DNAH14: variants seen among roughly 807,000 people sequenced by gnomAD.
DNAH14 encodes the protein axonemal beta dynein heavy chain 14.
In DNAH14, 478 loss-of-function variants were observed where a neutral mutation model predicts 520.9. That is an observed-to-expected ratio of 0.92 (90% CI 0.85 to 0.99). The LOEUF (loss-of-function observed/expected upper bound fraction) is 0.99. Among genes scored for constraint, DNAH14 ranks in the 50% least tolerant of loss-of-function variants. The pLI is 0.00. For missense variants in DNAH14, 4,831 were observed against 5,234.5 expected (o/e 0.92, Z 2.38); for synonymous variants, 1,581 against 1,757.2 (o/e 0.90, Z 2.51).
intron 3 of DNAH14, among the ~76,000 whole-genome samples, chr1:224,959,092 A>G (rs1343489747): frequency 1.3e-5 from 2 of 152,238 alleles, no homozygotes; most frequent in African/African-American, 4.8e-5. Context: ...CAGTAGTGCC[A>G]TAGGGAATAA....
In DNAH14 at chr1:225,305,100, G is replaced by C. The variant is rs1431189965; in HGVS notation, c.9005+11G>C. On this transcript the variant is annotated intron_variant, in intron 58 of 85. Transcript: ENST00000682510. ...GATGCAAACAAAGAGGTAAGACTTT[G>C]AGAACAAATCATAAATATATTTTAT... The C allele has an allele frequency of 2.6e-6, 4 of 1,517,570 alleles. No individual in the cohort carries two copies. Among genetic ancestry groups the C allele is most frequent in the Non-Finnish European group, 3.5e-6 (4 of 1,139,188 alleles). 94.0% of individuals were successfully genotyped at this position (1,517,570 alleles called of 1,614,324 possible).
rs548070716 is a variant in DNAH14, at chr1:225,318,124, T to C, written c.9241-459T>C. On this transcript the variant is annotated intron_variant, in intron 60 of 85. Coordinates refer to ENST00000682510, the MANE Select transcript of DNAH14 (RefSeq NM_001367479.1). ...AATGCAAAGAGAAATCATTCCTAAT[T>C]GATTGCAGTTCAAATGTCTTACTTT... 2.0e-5 allele frequency among the ~76,000 whole-genome samples: 3 copies of C among 152,244 alleles called. No individual in the cohort carries two copies. In the South Asian group the frequency reaches 6.2e-4, roughly 31 times the overall value.
chr1:225,014,818 T>C (rs988555714), intron 10 of DNAH14, among the ~76,000 whole-genome samples: 1 of 152,210 alleles, frequency 6.6e-6, no homozygotes, highest in African/African-American at 2.4e-5. Flanking sequence ...TCCATTTAGT[T>C]TATTGTTTAG....
chr1:224,972,785 T>C (rs1256264044), intron 7 of DNAH14, among the ~76,000 whole-genome samples: 1 of 152,194 alleles, frequency 6.6e-6, no homozygotes, highest in Admixed American at 6.5e-5. Context: ...TTAATATCTT[T>C]ATAGTTTTTC....
chr1:225,325,967 T>C (rs901641520), intron 64 of DNAH14, among the ~76,000 whole-genome samples: 7 of 152,316 alleles, frequency 4.6e-5, no homozygotes, highest in African/African-American at 1.7e-4. Flanking sequence ...AAGGACTGGA[T>C]ATTTTTGAAA....
chr1:225,161,588 T>A (rs559168791), intron 35 of DNAH14, among the ~76,000 whole-genome samples: 1 of 152,318 alleles, frequency 6.6e-6, no homozygotes, highest in South Asian at 2.1e-4. Context: ...ACCTCCAAAT[T>A]GTTCTCCATA....
At chr1:225,074,713 G>C (rs991847956) in intron 17 of DNAH14, among the ~76,000 whole-genome samples, 1 of 152,200 alleles carries the variant, frequency 6.6e-6, no homozygotes, top group Non-Finnish European at 1.5e-5. Flanking sequence ...GGGTAGCTGT[G>C]CTGTGCTGGG....
rs933658590 is a variant in DNAH14, at chr1:225,252,531, G to A, written c.6865+114G>A. On this transcript the variant is annotated intron_variant, in intron 44 of 85. Transcript: ENST00000682510. Reference sequence around the variant, plus strand: ...AAAGTAATTATATCTGCAACTTTGAGGACTAATATGTTTGTGTAGAGACCA... The same window carrying A: ...AAAGTAATTATATCTGCAACTTTGAAGACTAATATGTTTGTGTAGAGACCA... 1.0e-5 allele frequency: 6 copies of A among 601,448 alleles called. No individual in the cohort carries two copies. In the African/African-American group the frequency reaches 1.1e-4, roughly 11 times the overall value. 37.3% of individuals were successfully genotyped at this position (601,448 alleles called of 1,614,324 possible).
chr1:224,980,196 C>T (rs1481348828), intron 8 of DNAH14, among the ~76,000 whole-genome samples: 2 of 152,232 alleles, frequency 1.3e-5, no homozygotes, highest in Admixed American at 6.5e-5. Flanking sequence ...TTGGTGTCCC[C>T]GATTCCAAGC....
Position 225,335,767 on chromosome 1 carries a change from G to A in DNAH14, c.10081-1499G>A, listed in dbSNP as rs1429520598. Among the ~76,000 whole-genome samples, 6 of 111,320 alleles carry A rather than the reference G, an allele frequency of 5.4e-5. 2 individuals carry two copies. The highest frequency in any genetic ancestry group is 1.2e-4 in the Non-Finnish European group (6 of 50,192). The allele number at this position is 111,320 out of a possible 152,430, so 73.0% of individuals were successfully genotyped here. A position where few individuals can be genotyped will look rare whatever the true frequency, so the allele number is the denominator to read the frequency against. On this transcript the variant is annotated intron_variant, in intron 66 of 85. Transcript: ENST00000682510. The stretch of plus-strand genomic sequence containing the variant: ...TATATACGCATATATACATACATGT[G>A]CATATGTGCATATATTCATAAGTAC...
chr1:224,977,673 G>A (rs1330612583), intron 8 of DNAH14, among the ~76,000 whole-genome samples: 5 of 152,016 alleles, frequency 3.3e-5, no homozygotes, highest in Admixed American at 2.6e-4. Context: ...CAATTAAATG[G>A]TTTTCAAAAA....
At chr1:225,027,650 CTT>C (rs2066222005) in intron 11 of DNAH14, among the ~76,000 whole-genome samples, 1 of 152,030 alleles carries the variant, frequency 6.6e-6, no homozygotes, top group South Asian at 2.1e-4. Context: ...GCTATACACT[CTT>C]TAAAACAACC....
intron 7 of DNAH14, 102 bp from the exon 8 acceptor site, chr1:224,973,989 T>A (rs139426229): frequency 4.6e-6 from 3 of 647,418 alleles, no homozygotes; most frequent in Non-Finnish European, 6.7e-6. Flanking sequence ...GAATGAAATA[T>A]GTTCTAGAGA....
Position 225,358,985 on chromosome 1 carries a change from C to T in DNAH14, c.11776+333C>T, listed in dbSNP as rs570109388. Among the ~76,000 whole-genome samples the T allele has an allele frequency of 1.8e-4, 27 of 152,246 alleles. No homozygotes were observed. The South Asian group carries it at 2.7e-3, about 15-fold the overall frequency. On this transcript the variant is annotated intron_variant, in intron 74 of 85. Coordinates refer to ENST00000682510, the MANE Select transcript of DNAH14 (RefSeq NM_001367479.1). ...GTAAAGATCCATGCAGAACTGCGAG[C>T]GAATTAAACCTACTTACTTTTTAAA...
chr1:225,019,482 A>C (rs2147991236), intron 10 of DNAH14, among the ~76,000 whole-genome samples: 1 of 152,340 alleles, frequency 6.6e-6, no homozygotes, highest in South Asian at 2.1e-4. Context: ...GGTGGACTTC[A>C]ACACCCCAAT....
intron 27 of DNAH14, among the ~76,000 whole-genome samples, chr1:225,138,679 T>C (rs889204299): frequency 2.0e-5 from 3 of 152,160 alleles, no homozygotes; most frequent in South Asian, 4.1e-4. Context: ...CAAAGATTCG[T>C]GGGAAAAGCA....
intron 72 of DNAH14, among the ~76,000 whole-genome samples, chr1:225,353,046 C>A (rs573185361): frequency 5.3e-4 from 81 of 152,064 alleles, no homozygotes; most frequent in African/African-American, 1.9e-3. Context: ...CCCAAATTAT[C>A]CATTTATAAC....
chr1:225,025,941 A>G (rs1202318258), intron 11 of DNAH14, among the ~76,000 whole-genome samples: 2 of 152,006 alleles, frequency 1.3e-5, no homozygotes, highest in Non-Finnish European at 2.9e-5. Context: ...GGCCATTTAT[A>G]TATGTTCTTT....
chr1:225,337,646 G>GAGTTTTC lies in DNAH14; in HGVS notation c.10311+152_10311+158dup, dbSNP rs1184116127. 7.7e-6 allele frequency: 5 copies of GAGTTTTC among 650,716 alleles called. No homozygotes were observed. The African/African-American group carries it at 9.1e-5, about 12-fold the overall frequency. The allele number at this position is 650,716 out of a possible 1,614,324, so 40.3% of individuals were successfully genotyped here. A position where few individuals can be genotyped will look rare whatever the true frequency, so the allele number is the denominator to read the frequency against. On this transcript the variant is annotated intron_variant, in intron 67 of 85. Transcript: ENST00000682510. ...ACATATATACTTACAGACAGAGAGTGAGTTTTCAATGCTCAGTTCTCTTAC... is the reference window on the plus strand; with the variant it reads ...ACATATATACTTACAGACAGAGAGTGAGTTTTCAGTTTTCAATGCTCAGTTCTCTTAC...
Sources: gnomAD v4.1 joint callset for allele counts (sites outside exome capture counted in the v4.1 genomes callset) on GRCh38, gnomAD v4.1.1 for gene constraint, MANE v1.5 for transcripts, NCBI Gene and HGNC (gene_info 2026-07-23, HGNC 2026-07-21) for gene names.